VPS50: variants seen among roughly 807,000 people sequenced by gnomAD.
VPS50 encodes VPS50 subunit of EARP/GARPII complex, also known as syndetin.
VPS50 carries 70 observed loss-of-function variants against 139.7 expected under a neutral mutation model. That is an observed-to-expected ratio of 0.50 (90% CI 0.41 to 0.61). The LOEUF (loss-of-function observed/expected upper bound fraction) is 0.61, where lower values mean the gene tolerates loss of function less well. Among genes scored for constraint, VPS50 ranks in the 20% least tolerant of loss-of-function variants. The pLI is 0.00. For synonymous variants in VPS50, 365 were observed against 376.7 expected (o/e 0.97, Z 0.36); for missense variants, 921 against 1,133.7 (o/e 0.81, Z 2.69).
At chr7:93,245,157 C>T (rs1795111546) in intron 2 of VPS50, among the ~76,000 whole-genome samples, 3 of 151,618 alleles carry the variant, frequency 2.0e-5, no homozygotes, top group Non-Finnish European at 4.4e-5. Flanking sequence ...TATTCAGGAT[C>T]TTTTAGAGTT....
chr7:93,341,396 A>AT, intron 22 of VPS50, 31 bp from the exon 23 acceptor site: 1 of 1,525,884 alleles, frequency 6.6e-7, no homozygotes. Context: ...TAGATTTGTT[A>AT]TTCCAGGTTG....
chr7:93,269,371 T>C (rs1301172254), intron 9 of VPS50, among the ~76,000 whole-genome samples: 3 of 152,088 alleles, frequency 2.0e-5, no homozygotes, highest in African/African-American at 7.2e-5. Flanking sequence ...GAGATCTTAA[T>C]TTTTCTAATA....
chr7:93,265,526 G>A (rs1361285599), intron 9 of VPS50, among the ~76,000 whole-genome samples: 1 of 152,044 alleles, frequency 6.6e-6, no homozygotes, highest in Non-Finnish European at 1.5e-5. Flanking sequence ...TATTATTATT[G>A]GACTCTGAGC....
At chr7:93,343,277 T>G (rs977229855) in intron 23 of VPS50, among the ~76,000 whole-genome samples, 46 of 151,914 alleles carry the variant, frequency 3.0e-4, no homozygotes, top group African/African-American at 9.9e-4. Context: ...AAGGGAAGTT[T>G]AGAGAAAAGA....
chr7:93,305,755 A>T (rs1237922966), intron 17 of VPS50, 73 bp from the exon 18 acceptor site: 3 of 1,031,682 alleles, frequency 2.9e-6, no homozygotes, highest in Non-Finnish European at 4.5e-6. Flanking sequence ...CTACATGTAT[A>T]TTGAGGGATT....
chr7:93,305,922 A>C lies in VPS50; in HGVS notation c.1547A>C (p.Gln516Pro). Residue 516 changes from glutamine to proline, a missense_variant, in exon 18 of 28, where the codon CAG becomes CCG. Physicochemically the swap from Gln to Pro is moderately conservative, Grantham distance 76 (BLOSUM62 -1). Transcript: ENST00000305866. ...TCAAAAACAGTGACCTTGTTTGAGC[A>C]GTACTGTAGTGGTGGGAATCCATTT... is the stretch of plus-strand genomic sequence containing the variant. ...TSSKTVTLFE[Q>P]YCSGGNPFEI... is the part of the protein sequence containing the mutation. 1 of 1,612,140 alleles carries C rather than the reference A, an allele frequency of 6.2e-7. No homozygotes were observed.
At chr7:93,237,815 G>A (rs1449092238) in intron 1 of VPS50, among the ~76,000 whole-genome samples, 2 of 151,986 alleles carry the variant, frequency 1.3e-5, no homozygotes, top group Non-Finnish European at 2.9e-5. Context: ...GTGTCACAGG[G>A]GTTTGTTGTA....
chr7:93,271,625 T>TGG (rs1407854410), intron 10 of VPS50, among the ~76,000 whole-genome samples: 2 of 151,770 alleles, frequency 1.3e-5, no homozygotes, highest in African/African-American at 4.8e-5. Context: ...TACCTGTAAG[T>TGG]AATTATTGGC....
At chr7:93,313,686 A>T (rs1164370860) in intron 20 of VPS50, among the ~76,000 whole-genome samples, 2 of 152,204 alleles carry the variant, frequency 1.3e-5, no homozygotes, top group Non-Finnish European at 1.5e-5. Context: ...TATGAGGATT[A>T]CTGATCAACA....
chr7:93,244,330 TC>T (rs1028305393), intron 2 of VPS50, among the ~76,000 whole-genome samples: 25 of 151,914 alleles, frequency 1.6e-4, no homozygotes, highest in African/African-American at 5.8e-4. Flanking sequence ...CTTCTTAAAA[TC>T]CATTAAAAGA....
intron 1 of VPS50, among the ~76,000 whole-genome samples, chr7:93,236,930 TTTAC>T (rs1211716791): frequency 6.7e-6 from 1 of 148,250 alleles, no homozygotes; most frequent in African/African-American, 2.5e-5. Context: ...CATGACCTCT[TTTAC>T]TTCTTTTTTT....
chr7:93,322,141 T>C (rs188516377), intron 20 of VPS50, among the ~76,000 whole-genome samples: 4 of 152,338 alleles, frequency 2.6e-5, no homozygotes, highest in Admixed American at 6.5e-5. Flanking sequence ...ATATTTGTAT[T>C]TGTGTTTCTC....
intron 9 of VPS50, among the ~76,000 whole-genome samples, chr7:93,264,790 A>G (rs1245240732): frequency 6.6e-6 from 1 of 152,142 alleles, no homozygotes; most frequent in Non-Finnish European, 1.5e-5. Context: ...CTCTAAGGTC[A>G]GGGACATAAG....
chr7:93,303,425 C>T (rs954258103), intron 16 of VPS50, 35 bp from the exon 17 acceptor site: 7 of 930,240 alleles, frequency 7.5e-6, no homozygotes, highest in Admixed American at 5.7e-5. Context: ...TACTTTTCTT[C>T]TCACTTTTTG....
chr7:93,326,100 T>C lies in VPS50; in HGVS notation c.1977+2368T>C, dbSNP rs1027358386. Among the ~76,000 whole-genome samples, 141 of 152,056 alleles carry C rather than the reference T, an allele frequency of 9.3e-4. 15 individuals are homozygous for C. The highest frequency in any genetic ancestry group is 5.9e-5 in the Non-Finnish European group (4 of 68,014). ...AAGAAAATGTGGCACATATACACCA[T>C]AGAATACTATGCAGCCATAAAAAAT... is the stretch of plus-strand genomic sequence containing the variant. On this transcript the variant is annotated intron_variant, in intron 21 of 27. Transcript: ENST00000305866.
At chr7:93,268,132 T>C (rs1795896310) in intron 9 of VPS50, among the ~76,000 whole-genome samples, 1 of 152,212 alleles carries the variant, frequency 6.6e-6, no homozygotes, top group Non-Finnish European at 1.5e-5. Context: ...TAAAGCCTTT[T>C]GACAACACTG....
chr7:93,233,570 T>C (rs1011511142), intron 1 of VPS50, among the ~76,000 whole-genome samples: 1 of 152,252 alleles, frequency 6.6e-6, no homozygotes, highest in Admixed American at 6.5e-5. Context: ...ATGATTATTT[T>C]AGTTATGTCA....
intron 23 of VPS50, among the ~76,000 whole-genome samples, chr7:93,348,174 C>G (rs2117079863): frequency 6.6e-6 from 1 of 152,256 alleles, no homozygotes; most frequent in Non-Finnish European, 1.5e-5. Context: ...AGGCAGTAGT[C>G]CAGGCTCCTT....
chr7:93,238,698 T>G (rs188035571), intron 1 of VPS50, among the ~76,000 whole-genome samples: 1 of 152,330 alleles, frequency 6.6e-6, no homozygotes, highest in East Asian at 1.9e-4. Flanking sequence ...TTTAACAAGT[T>G]CCCTGGGTGG....
Sources: gnomAD v4.1 joint callset for allele counts (sites outside exome capture counted in the v4.1 genomes callset) on GRCh38, gnomAD v4.1.1 for gene constraint, MANE v1.5 for transcripts, NCBI Gene and HGNC (gene_info 2026-07-23, HGNC 2026-07-21) for gene names.